AOX1: variants seen among roughly 807,000 people sequenced by gnomAD.
The protein encoded by AOX1 is aldehyde oxidase 1, also known as aldehyde oxidase.
In AOX1, 153 loss-of-function variants were observed where a neutral mutation model predicts 169.5. That is an observed-to-expected ratio of 0.90 (90% CI 0.79 to 1.03). The LOEUF (loss-of-function observed/expected upper bound fraction) is 1.03. Ranked by LOEUF, AOX1 falls within the 50% of genes least tolerant of loss-of-function variation. The pLI, the probability that AOX1 is intolerant of heterozygous loss-of-function variation, is 0.00. For synonymous variants in AOX1, 562 were observed against 581.9 expected, an observed-to-expected ratio of 0.97 and a Z score of 0.49; for missense variants, 1,656 against 1,663.9, an observed-to-expected ratio of 1.00 and a Z score of 0.08.
chr2:200,647,408 A>G (rs1329796642), intron 25 of AOX1, among the ~76,000 whole-genome samples: 1 of 152,220 alleles, frequency 6.6e-6, no homozygotes, highest in Non-Finnish European at 1.5e-5. Context: ...GAGCCTGAAG[A>G]TAGGGAACAA....
intron 26 of AOX1, among the ~76,000 whole-genome samples, chr2:200,653,881 C>G (rs2035627850): frequency 6.6e-6 from 1 of 152,128 alleles, no homozygotes; most frequent in Non-Finnish European, 1.5e-5. Flanking sequence ...GATCAGTTAT[C>G]TTTGATTTTA....
Position 200,648,496 on chromosome 2 carries a change from G to A in AOX1, c.2848-2478G>A, listed in dbSNP as rs541689888. On this transcript the variant is annotated intron_variant, in intron 25 of 34. Transcript: ENST00000374700. ...AGTGCCTGTTCCGGTGGAGGTGATG[G>A]AGGGTGCAGTGGACTCCATGAGGGT... Among the ~76,000 whole-genome samples the A allele has an allele frequency of 1.6e-3, 241 of 152,348 alleles. 2 individuals carry two copies. The highest frequency in any genetic ancestry group is 3.4e-3 in the Middle Eastern group (1 of 294).
At chr2:200,642,199 G>C (rs1482333190) in intron 24 of AOX1, among the ~76,000 whole-genome samples, 2 of 152,086 alleles carry the variant, frequency 1.3e-5, no homozygotes, top group Non-Finnish European at 2.9e-5. Flanking sequence ...ACGTCCCCAG[G>C]AGCAGGGAAA....
intron 29 of AOX1, among the ~76,000 whole-genome samples, 167 bp downstream of exon 29, chr2:200,660,236 AT>A (rs2035794275): frequency 6.6e-6 from 1 of 152,226 alleles, no homozygotes; most frequent in African/African-American, 2.4e-5. Flanking sequence ...TGGAAATCCT[AT>A]CACAGTGTGG....
At chr2:200,635,489 C>A (rs2035211301) in intron 21 of AOX1, among the ~76,000 whole-genome samples, 1 of 152,150 alleles carries the variant, frequency 6.6e-6, no homozygotes, top group South Asian at 2.1e-4. Context: ...AAAGAGTTTG[C>A]TGAGGGCTAG....
Position 200,609,133 on chromosome 2 carries a change from G to C in AOX1, c.1057G>C (p.Ala353Pro). ...GGCTGGGTCCCAGATCAGGAACATGGCTGTATGTATCTGATGACAGTAAAC... is the reference window on the plus strand; with the variant it reads ...GGCTGGGTCCCAGATCAGGAACATGCCTGTATGTATCTGATGACAGTAAAC... Reference protein sequence around the residue: ...TLAGSQIRNMASLGGHIISRH... With the variant: ...TLAGSQIRNMPSLGGHIISRH... The change falls in exon 11 of 35, where the codon GCT (alanine) becomes CCT (proline). Residue 353 changes from alanine (A) to proline (P), a missense_variant and splice_region_variant. Coordinates refer to ENST00000374700, the MANE Select transcript of AOX1 (RefSeq NM_001159.4). 6.2e-7 allele frequency: 1 copy of C among 1,613,868 alleles called. No individual in the cohort carries two copies. The highest frequency in any genetic ancestry group is 8.5e-7 in the Non-Finnish European group (1 of 1,179,924).
intron 25 of AOX1, among the ~76,000 whole-genome samples, chr2:200,645,869 G>A (rs2035444230): frequency 6.6e-6 from 1 of 152,158 alleles, no homozygotes; most frequent in South Asian, 2.1e-4. Context: ...GTTGCTCATA[G>A]TAGCTGTGAA....
chr2:200,603,242 TA>T, intron 6 of AOX1, 24 bp from the exon 7 acceptor site: 1 of 1,587,814 alleles, frequency 6.3e-7, no homozygotes, highest in Non-Finnish European at 8.6e-7. Context: ...AATAAATTCC[TA>T]GTGATTTGTT....
intron 9 of AOX1, 75 bp downstream of exon 9, chr2:200,604,915 G>A: frequency 7.9e-7 from 1 of 1,270,150 alleles, no homozygotes; most frequent in Admixed American, 1.9e-5. Flanking sequence ...GTGGGCTGGG[G>A]AAACTTCATA....
At position 200,642,793 on chromosome 2, in the gene AOX1, CCTGAGAAGGTA is replaced by C. The variant is rs2035378648; in HGVS notation, c.2840_2847+3del. On this transcript the variant is annotated splice_donor_variant and splice_donor_region_variant and coding_sequence_variant and intron_variant, in exon 25 of 35. Coordinates refer to ENST00000374700, the MANE Select transcript of AOX1 (RefSeq NM_001159.4). LOFTEE classifies it high-confidence loss of function. ...AGTTGCAGCCAAATGTGGACTATCC[CCTGAGAAGGTA>C]ATACTAAATCAGCTTCACAGACAAA... is the stretch of plus-strand genomic sequence containing the variant. 6.2e-7 allele frequency: 1 copy of C among 1,612,476 alleles called. No individual in the cohort carries two copies. The highest frequency in any genetic ancestry group is 8.5e-7 in the Non-Finnish European group (1 of 1,179,210).
chr2:200,586,107 C>G lies in AOX1; in HGVS notation c.-2C>G. The G allele has an allele frequency of 2.6e-6, 4 of 1,558,202 alleles. No homozygotes were observed. The highest frequency in any genetic ancestry group is 3.5e-6 in the Non-Finnish European group (4 of 1,152,040). On this transcript the variant is annotated 5_prime_UTR_variant, in exon 1 of 35. Transcript: ENST00000374700. Reference sequence around the variant, plus strand: ...GGCCCTCGAACCAGCGCGGACACCACAATGGACCGGGCGTCCGAGCTGCTC... The same window carrying G: ...GGCCCTCGAACCAGCGCGGACACCAGAATGGACCGGGCGTCCGAGCTGCTC...
At chr2:200,609,687 G>C (rs2034594472) in intron 12 of AOX1, among the ~76,000 whole-genome samples, 1 of 152,098 alleles carries the variant, frequency 6.6e-6, no homozygotes, top group Non-Finnish European at 1.5e-5. Context: ...GTCCGGATGT[G>C]ATCTGATTAT....
chr2:200,680,472 C>T (rs548095969), downstream of AOX1, among the ~76,000 whole-genome samples: 1 of 152,250 alleles, frequency 6.6e-6, no homozygotes, highest in South Asian at 2.1e-4. Flanking sequence ...GGTTCTTTGG[C>T]CCCCAGGAAT....
intron 3 of AOX1, among the ~76,000 whole-genome samples, chr2:200,596,397 T>C (rs1006213384): frequency 6.6e-6 from 1 of 152,236 alleles, no homozygotes; most frequent in Admixed American, 6.5e-5. Context: ...GAAGTCTGAG[T>C]ACCTAGGGTT....
At chr2:200,650,208 C>G (rs1252825991) in intron 25 of AOX1, among the ~76,000 whole-genome samples, 1 of 152,162 alleles carries the variant, frequency 6.6e-6, no homozygotes, top group Non-Finnish European at 1.5e-5. Context: ...CCCTTCATTC[C>G]CAGGGAAGTT....
At chr2:200,598,253 C>T (rs891683063) in intron 4 of AOX1, among the ~76,000 whole-genome samples, 4 of 152,018 alleles carry the variant, frequency 2.6e-5, no homozygotes, top group African/African-American at 9.7e-5. Context: ...TGGAAAACAA[C>T]ATGATCTTAA....
At chr2:200,670,179 T>A (rs1161199729) in intron 34 of AOX1, among the ~76,000 whole-genome samples, 3 of 152,050 alleles carry the variant, frequency 2.0e-5, no homozygotes, top group Non-Finnish European at 4.4e-5. Context: ...CCCTCCCCTC[T>A]GGCAACAGCG....
At chr2:200,681,306 C>G (rs963028595), downstream of AOX1, 4 of 152,614 alleles carry the variant, frequency 2.6e-5, no homozygotes, top group African/African-American at 9.7e-5. Flanking sequence ...TGTTTCATTT[C>G]TGAGAGACTC....
At chr2:200,620,842 A>C (rs994286230) in intron 17 of AOX1, 23 bp downstream of exon 17, 1 of 1,580,954 alleles carries the variant, frequency 6.3e-7, no homozygotes, top group Admixed American at 2.0e-5. Context: ...ATTCTTACTC[A>C]ATGGGCATAA....
Sources: allele counts gnomAD v4.1 joint callset (sites outside exome capture counted in the v4.1 genomes callset), GRCh38; gene constraint gnomAD v4.1.1; transcripts MANE v1.5; gene names NCBI Gene and HGNC (gene_info 2026-07-23, HGNC 2026-07-21).